The following NFIB variants were observed in gnomAD, a reference collection of about 807,000 sequenced individuals.
NFIB encodes nuclear factor 1 B-type.
A neutral mutation model predicts 61.5 loss-of-function variants in NFIB; 11 were observed. The observed-to-expected ratio is 0.18, with a 90% confidence interval of 0.11 to 0.30. NFIB has a LOEUF of 0.30. NFIB is among the 10% of genes least tolerant of loss of function. NFIB has a pLI of 1.00. For synonymous variants in NFIB, 260 were observed against 216.5 expected, an observed-to-expected ratio of 1.20 and a Z score of -1.76; for missense variants, 471 against 608.9, an observed-to-expected ratio of 0.77 and a Z score of 2.38.
chr9:14,112,908 C>A (rs894926692), intron 10 of NFIB, 91 bp downstream of exon 10: 22 of 1,213,084 alleles, frequency 1.8e-5, no homozygotes, highest in Non-Finnish European at 2.4e-5. Context: ...CCCCGGGAGC[C>A]CCCTTCTGAG....
At chr9:14,200,908 T>C (rs1463907134) in intron 2 of NFIB, among the ~76,000 whole-genome samples, 3 of 152,152 alleles carry the variant, frequency 2.0e-5, no homozygotes, top group Non-Finnish European at 2.9e-5. Flanking sequence ...TGCACAACCT[T>C]TGTACACTCT....
chr9:14,171,275 T>C (rs989123645), intron 3 of NFIB, among the ~76,000 whole-genome samples: 2 of 152,204 alleles, frequency 1.3e-5, no homozygotes, highest in African/African-American at 4.8e-5. Flanking sequence ...CCTTCTTCCA[T>C]GTGAAATGCT....
chr9:14,282,691 T>C (rs983983431), intron 2 of NFIB, among the ~76,000 whole-genome samples: 2 of 152,220 alleles, frequency 1.3e-5, no homozygotes, highest in African/African-American at 4.8e-5. Flanking sequence ...GTAGTTGTCC[T>C]TTTTACAGAT....
chr9:14,361,496 A>G (rs1270056637), intron 1 of NFIB: 2 of 152,226 alleles, frequency 1.3e-5, no homozygotes, highest in African/African-American at 2.4e-5. Flanking sequence ...TGAACAAGCA[A>G]GCAAACCACA....
At chr9:14,134,338 G>C (rs530941878) in intron 6 of NFIB, among the ~76,000 whole-genome samples, 33 of 152,116 alleles carry the variant, frequency 2.2e-4, no homozygotes, top group Non-Finnish European at 3.8e-4. Flanking sequence ...TCTACAGTAG[G>C]AATGTATTTA....
At chr9:14,099,784 A>C (rs2035438416) in intron 10 of NFIB, among the ~76,000 whole-genome samples, 1 of 152,210 alleles carries the variant, frequency 6.6e-6, no homozygotes, top group African/African-American at 2.4e-5. Flanking sequence ...AAACAAACCA[A>C]GATACTGGCT....
At chr9:14,261,104 G>A (rs1302508864) in intron 2 of NFIB, among the ~76,000 whole-genome samples, 2 of 152,198 alleles carry the variant, frequency 1.3e-5, no homozygotes, top group Non-Finnish European at 2.9e-5. Flanking sequence ...ATCACCTGAT[G>A]TCAGGAATTT....
At chr9:14,475,037 A>T in the NFIB span, among the ~76,000 whole-genome samples, 1 of 152,238 alleles carries the variant, frequency 6.6e-6, no homozygotes, top group Non-Finnish European at 1.5e-5. Flanking sequence ...TGTCTTGCAG[A>T]AACTCTCTCA....
At chr9:14,431,633 G>GTT in the NFIB span, among the ~76,000 whole-genome samples, 24 of 127,902 alleles carry the variant, frequency 1.9e-4, no homozygotes, top group South Asian at 5.1e-4. Flanking sequence ...TTTTTGTTTT[G>GTT]TTTTTTTTTT....
chr9:14,457,435 A>C, the NFIB span, among the ~76,000 whole-genome samples: 1 of 152,166 alleles, frequency 6.6e-6, no homozygotes, highest in Non-Finnish European at 1.5e-5. Flanking sequence ...TGACACCCTA[A>C]CATCACAATT....
At chr9:14,348,895 G>C (rs2061068995) in intron 1 of NFIB, among the ~76,000 whole-genome samples, 1 of 152,262 alleles carries the variant, frequency 6.6e-6, no homozygotes, top group Admixed American at 6.5e-5. Flanking sequence ...CTTCATGCGT[G>C]TCTAACATTA....
intron 2 of NFIB, among the ~76,000 whole-genome samples, chr9:14,240,193 C>T (rs1279638136): frequency 6.6e-6 from 1 of 152,008 alleles, no homozygotes; most frequent in African/African-American, 2.4e-5. Flanking sequence ...CAAAATTGGG[C>T]CTAAAGTTTG....
At chr9:14,274,348 G>A (rs945419646) in intron 2 of NFIB, among the ~76,000 whole-genome samples, 1 of 151,254 alleles carries the variant, frequency 6.6e-6, no homozygotes, top group Admixed American at 6.6e-5. Flanking sequence ...GAATTTCTCA[G>A]GGGCTTAGGA....
intron 2 of NFIB, among the ~76,000 whole-genome samples, chr9:14,190,515 T>C (rs1278794221): frequency 6.6e-6 from 1 of 152,176 alleles, no homozygotes; most frequent in Non-Finnish European, 1.5e-5. Context: ...CCTTGATAAG[T>C]GGTTCAAAGA....
chr9:14,505,865 T>C, the NFIB span, among the ~76,000 whole-genome samples: 1 of 152,124 alleles, frequency 6.6e-6, no homozygotes, highest in Non-Finnish European at 1.5e-5. Context: ...AAATTACACG[T>C]ATATCATGAC....
the NFIB span, among the ~76,000 whole-genome samples, chr9:14,512,673 G>A: frequency 8.2e-5 from 11 of 134,496 alleles, no homozygotes; most frequent in Non-Finnish European, 1.3e-4. Context: ...TTCACTTAGC[G>A]TCTTGTACTC....
chr9:14,480,588 G>A, the NFIB span, among the ~76,000 whole-genome samples: 1 of 152,140 alleles, frequency 6.6e-6, no homozygotes, highest in Non-Finnish European at 1.5e-5. Context: ...AGCCCCACAA[G>A]TTCTCTAGCC....
intron 1 of NFIB, among the ~76,000 whole-genome samples, chr9:14,396,906 T>C (rs1012881092): frequency 2.0e-5 from 3 of 152,084 alleles, no homozygotes; most frequent in African/African-American, 4.8e-5. Context: ...GCCCCAAGAA[T>C]GTGGGGATGC....
At chr9:14,469,102 C>T in the NFIB span, among the ~76,000 whole-genome samples, 1 of 152,192 alleles carries the variant, frequency 6.6e-6, no homozygotes, top group Non-Finnish European at 1.5e-5. Context: ...CCTTTAACTG[C>T]CTTTGTCTCG....
Sources: allele counts gnomAD v4.1 joint callset (sites outside exome capture counted in the v4.1 genomes callset), GRCh38; gene constraint gnomAD v4.1.1; transcripts MANE v1.5; gene names NCBI Gene and HGNC (gene_info 2026-07-23, HGNC 2026-07-21).